PTK2: variants seen among roughly 807,000 people sequenced by gnomAD.
PTK2 encodes focal adhesion kinase 1.
A neutral mutation model predicts 150.1 loss-of-function variants in PTK2; 45 were observed. The observed-to-expected ratio is 0.30, with a 90% CI of 0.24 to 0.38. PTK2 has a LOEUF of 0.38. Ranked by LOEUF, PTK2 falls within the 10% of genes least tolerant of loss-of-function variation. PTK2 has a pLI of 1.00. For synonymous variants in PTK2, 432 were observed against 449.2 expected, an observed-to-expected ratio of 0.96 and a Z score of 0.48; for missense variants, 919 against 1,307.3, an observed-to-expected ratio of 0.70 and a Z score of 4.58.
chr8:140,927,975 A>ATATATATATATATATATAT (rs1367767247), intron 1 of PTK2, among the ~76,000 whole-genome samples: 4 of 48,192 alleles, frequency 8.3e-5, no homozygotes, highest in African/African-American at 3.9e-4. Flanking sequence ...AAAAAAAAAA[A>ATATATATATATATATATAT]ATATATATAT....
rs2100025843 is a variant in PTK2 at position 140,695,298 on chromosome 8, AG to A, written c.2499+5592del. Among the ~76,000 whole-genome samples, 4 of 152,184 alleles carry A rather than the reference AG, an allele frequency of 2.6e-5. No homozygotes were observed. The East Asian group carries it at 5.8e-4, about 22-fold the overall frequency. On this transcript the variant is annotated intron_variant, in intron 26 of 31. Transcript: ENST00000522684. ...TGCTCCTTCCCACTTTGCCTCTTCC[AG>A]CTTAGACCCTGCTGTCATTTATTTG... is the stretch of plus-strand genomic sequence containing the variant.
chr8:140,739,530 T>A (rs985008080), intron 20 of PTK2, among the ~76,000 whole-genome samples: 3 of 152,204 alleles, frequency 2.0e-5, no homozygotes, highest in Admixed American at 2.0e-4. Context: ...GTGGTAGTTA[T>A]GTTATATAAA....
chr8:140,708,883 C>A (rs1278640375), intron 23 of PTK2, among the ~76,000 whole-genome samples: 1 of 149,064 alleles, frequency 6.7e-6, no homozygotes. Flanking sequence ...TCTTGGAGTC[C>A]AAGAATGGAA....
At chr8:140,677,880 A>G (rs78560196) in intron 27 of PTK2, among the ~76,000 whole-genome samples, 2,265 of 152,360 alleles carry the variant, frequency 0.015, 51 homozygotes, top group African/African-American at 0.051. Flanking sequence ...GGTATAAAAC[A>G]AAGATCCTGC....
At chr8:140,920,125 CTTCA>C (rs200183554) in intron 2 of PTK2, among the ~76,000 whole-genome samples, 4,957 of 152,066 alleles carry the variant, frequency 0.033, 274 homozygotes, top group African/African-American at 0.11. Flanking sequence ...TTATTATATT[CTTCA>C]TTAAGAACTT....
rs553242224 is a variant in PTK2 at position 140,970,120 on chromosome 8, G to A, written c.-122+31005C>T. On this transcript the variant is annotated intron_variant, in intron 1 of 31. Transcript: ENST00000522684. ...AGAACCATCCACTTCAACCACAGCA[G>A]CAGAGGCTTCAATTCTGAGACCTCT... Among the ~76,000 whole-genome samples, 9 of 152,378 alleles carry A rather than the reference G, an allele frequency of 5.9e-5. No individual in the cohort carries two copies. The East Asian group carries it at 1.3e-3, about 23-fold the overall frequency.
intron 3 of PTK2, among the ~76,000 whole-genome samples, chr8:140,889,470 C>A (rs1363749321): frequency 6.6e-6 from 1 of 152,142 alleles, no homozygotes; most frequent in Non-Finnish European, 1.5e-5. Flanking sequence ...CTCAAGTGAC[C>A]TGCCCACCTT....
chr8:140,771,779 A>ATTT (rs34027936), intron 14 of PTK2, among the ~76,000 whole-genome samples: 2 of 135,040 alleles, frequency 1.5e-5, no homozygotes, highest in East Asian at 2.1e-4. Context: ...TCCTATTAAC[A>ATTT]TTTTTTTTTT....
At chr8:140,673,367 C>T (rs181126715) in intron 29 of PTK2, among the ~76,000 whole-genome samples, 9 of 152,040 alleles carry the variant, frequency 5.9e-5, no homozygotes, top group African/African-American at 1.2e-4. Context: ...CTTGGCCTCC[C>T]GAAATGCTGG....
chr8:140,691,197 G>C (rs73714732), intron 26 of PTK2, among the ~76,000 whole-genome samples: 5,610 of 147,456 alleles, frequency 0.038, 359 homozygotes, highest in African/African-American at 0.13. Flanking sequence ...AGATGGTTGG[G>C]GGTGGGGGGT....
At chr8:140,720,701 T>A (rs896149886) in intron 22 of PTK2, among the ~76,000 whole-genome samples, 2 of 152,204 alleles carry the variant, frequency 1.3e-5, no homozygotes, top group Non-Finnish European at 2.9e-5. Context: ...TCAGATAATA[T>A]CCTGTGTAAC....
At chr8:140,992,097 G>C (rs1288494915) in intron 1 of PTK2, among the ~76,000 whole-genome samples, 2 of 152,094 alleles carry the variant, frequency 1.3e-5, no homozygotes, top group Non-Finnish European at 2.9e-5. Flanking sequence ...TTTGAGACCA[G>C]CCTGGCCAAC....
rs1315371831 is a variant in PTK2 at position 140,769,568 on chromosome 8, A to G, written c.1178-5278T>C. ...AGCAGTAACACAAATGTGAAAATAAATATTACCGTCCCCACTAATTTCATC... is the reference window on the plus strand; with the variant it reads ...AGCAGTAACACAAATGTGAAAATAAGTATTACCGTCCCCACTAATTTCATC... On this transcript the variant is annotated intron_variant, in intron 14 of 31. Transcript: ENST00000522684. 2.2e-6 allele frequency: 3 copies of G among 1,357,106 alleles called. No individual in the cohort carries two copies. The highest frequency in any genetic ancestry group is 2.9e-6 in the Non-Finnish European group (3 of 1,022,500). The allele number at this position is 1,357,106 out of a possible 1,614,324, so 84.1% of individuals were successfully genotyped here.
chr8:140,780,313 A>G (rs1198529318), intron 14 of PTK2, among the ~76,000 whole-genome samples: 2 of 152,188 alleles, frequency 1.3e-5, no homozygotes, highest in Non-Finnish European at 2.9e-5. Context: ...TATGGATCAG[A>G]GAGTGATGGG....
At chr8:140,863,311 T>C (rs1409973130) in intron 5 of PTK2, among the ~76,000 whole-genome samples, 2 of 152,188 alleles carry the variant, frequency 1.3e-5, no homozygotes, top group East Asian at 3.8e-4. Flanking sequence ...CCTCTAAACA[T>C]GCTTGCAACC....
At chr8:140,702,811 A>G (rs1167616518) in intron 24 of PTK2, 104 bp from the exon 28 acceptor site, 2 of 1,270,940 alleles carry the variant, frequency 1.6e-6, no homozygotes, top group African/African-American at 3.0e-5. Context: ...TGTGGTAGGC[A>G]GAATTATGGC....
intron 9 of PTK2, 133 bp from the exon 10 acceptor site, chr8:140,818,487 T>G (rs1199567045): frequency 1.4e-6 from 1 of 730,064 alleles, no homozygotes; most frequent in South Asian, 1.8e-5. Flanking sequence ...TCTAACCAAA[T>G]AAGATAAAAT....
chr8:140,659,319 A>G, exon 32 of PTK2: 1 of 629,980 alleles, frequency 1.6e-6, no homozygotes, highest in Non-Finnish European at 2.6e-6. Flanking sequence ...AACTTATATG[A>G]GAAAGATTTT....
chr8:140,982,874 CAG>C (rs1555497530), intron 1 of PTK2, among the ~76,000 whole-genome samples: 1 of 152,132 alleles, frequency 6.6e-6, no homozygotes, highest in African/African-American at 2.4e-5. Flanking sequence ...AATGAATAAA[CAG>C]GGAATTCATT....
Sources: gnomAD v4.1 joint callset for allele counts (sites outside exome capture counted in the v4.1 genomes callset) on GRCh38, gnomAD v4.1.1 for gene constraint, MANE v1.5 for transcripts, NCBI Gene and HGNC (gene_info 2026-07-23, HGNC 2026-07-21) for gene names.